Variants in CRBN observed in about 807,000 individuals in gnomAD.
CRBN encodes the protein protein cereblon.
In CRBN, 53 loss-of-function variants were observed where a neutral mutation model predicts 62.2. The ratio of observed to expected loss-of-function variants is 0.85; its 90% CI spans 0.68 to 1.07. CRBN has a LOEUF of 1.07. Among genes scored for constraint, CRBN ranks in the 50% least tolerant of loss-of-function variants. The pLI, the probability that CRBN is intolerant of heterozygous loss-of-function variation, is 0.00. For synonymous variants in CRBN, 208 were observed against 176.1 expected (o/e 1.18, Z -1.43); for missense variants, 616 against 531.1 (o/e 1.16, Z -1.57).
chr3:3,152,406 C>CAATT (rs1559240632), intron 10 of CRBN, 50 bp downstream of exon 10: 1 of 1,577,802 alleles, frequency 6.3e-7, no homozygotes, highest in East Asian at 2.3e-5. Flanking sequence ...TTTTTCTGCC[C>CAATT]AATTAAGGTA....
chr3:3,156,014 G>A (rs1290770813), intron 6 of CRBN: 2 of 553,758 alleles, frequency 3.6e-6, no homozygotes, highest in Non-Finnish European at 6.6e-6. Flanking sequence ...ATGTTGCCCA[G>A]GCTGGTCTTG....
intron 5 of CRBN, among the ~76,000 whole-genome samples, chr3:3,157,507 C>G (rs773992302): frequency 1.2e-4 from 18 of 152,258 alleles, no homozygotes; most frequent in East Asian, 3.9e-4. Flanking sequence ...GAGGAAGACC[C>G]TACTCCTGCA....
rs1156956523 is a variant in CRBN, at chr3:3,179,684, C to G, written c.4G>C (p.Ala2Pro). Reference sequence around the variant, plus strand: ...GCGTCCTGCTGATCTCCTTCGCCGGCCATGTCTGTTTACCCGCAAAGGAGG... The same window carrying G: ...GCGTCCTGCTGATCTCCTTCGCCGGGCATGTCTGTTTACCCGCAAAGGAGG... M[A>P]GEGDQQDAAH... The change falls in exon 1 of 11, where the codon GCC becomes CCC. Residue 2 changes from alanine (A) to proline (P), a missense_variant. Coordinates refer to ENST00000231948, the MANE Select transcript of CRBN (RefSeq NM_016302.4). 4.3e-6 allele frequency: 7 copies of G among 1,613,244 alleles called. No individual in the cohort carries two copies. In the South Asian group the frequency reaches 7.7e-5, roughly 18 times the overall value.
At chr3:3,157,432 G>A (rs1194953576) in intron 5 of CRBN, among the ~76,000 whole-genome samples, 1 of 152,066 alleles carries the variant, frequency 6.6e-6, no homozygotes, top group Non-Finnish European at 1.5e-5. Flanking sequence ...AAAGGAATAA[G>A]GTAGATCAAA....
At chr3:3,151,768 A>C (rs1706569495) in intron 10 of CRBN, among the ~76,000 whole-genome samples, 1 of 151,626 alleles carries the variant, frequency 6.6e-6, no homozygotes, top group African/African-American at 2.4e-5. Context: ...AAAACTGAAG[A>C]TAGTACAGCT....
At chr3:3,167,613 C>A in intron 5 of CRBN, 21 bp downstream of exon 5, 1 of 1,605,788 alleles carries the variant, frequency 6.2e-7, no homozygotes, top group Non-Finnish European at 8.5e-7. Context: ...TTTGAAGATG[C>A]ATAAAAAATT....
At chr3:3,166,052 A>G (rs1442685177) in intron 5 of CRBN, among the ~76,000 whole-genome samples, 1 of 152,180 alleles carries the variant, frequency 6.6e-6, no homozygotes, top group East Asian at 1.9e-4. Flanking sequence ...AAGGGTAAAC[A>G]TGTATTTAAA....
chr3:3,151,828 C>CAAAG (rs66715673), intron 10 of CRBN, among the ~76,000 whole-genome samples: 1 of 42,596 alleles, frequency 2.3e-5, no homozygotes, highest in Non-Finnish European at 5.7e-5. Context: ...TAAGCTGAAG[C>CAAAG]AAACAAACAA....
Position 3,154,233 on chromosome 3 carries a change from T to C in CRBN, c.836-158A>G, listed in dbSNP as rs1706775513. 5 of 618,252 alleles carry C rather than the reference T, an allele frequency of 8.1e-6. No individual in the cohort carries two copies. In the Admixed American group the frequency reaches 1.1e-4, roughly 14 times the overall value. The allele number at this position is 618,252 out of a possible 1,614,324, so 38.3% of individuals were successfully genotyped here. On this transcript the variant is annotated intron_variant, in intron 7 of 10. Coordinates refer to ENST00000231948, the MANE Select transcript of CRBN (RefSeq NM_016302.4). ...ACAAAAATATACCAGCTGTCAAAGATACACTTTTCAGAAGCTCTAAATTTA... is the reference window on the plus strand; with the variant it reads ...ACAAAAATATACCAGCTGTCAAAGACACACTTTTCAGAAGCTCTAAATTTA...
intron 1 of CRBN, among the ~76,000 whole-genome samples, chr3:3,177,230 T>A (rs1707861395): frequency 6.6e-6 from 1 of 152,220 alleles, no homozygotes; most frequent in Non-Finnish European, 1.5e-5. Context: ...ATGCCCCAAA[T>A]AAACTTCTAA....
chr3:3,166,946 A>C (rs1426157595), intron 5 of CRBN, among the ~76,000 whole-genome samples: 2 of 151,136 alleles, frequency 1.3e-5, no homozygotes, highest in East Asian at 2.0e-4. Flanking sequence ...AAAAAAAAAA[A>C]CTCAAAAAGC....
At position 3,150,827 on chromosome 3, in the gene CRBN, A is replaced by C. The variant is rs1199046620; in HGVS notation, c.*38T>G. The C allele has an allele frequency of 6.4e-7, 1 of 1,562,244 alleles. No individual in the cohort carries two copies. The highest frequency in any genetic ancestry group is 1.4e-5 in the African/African-American group (1 of 70,840). Reference sequence around the variant, plus strand: ...TTTCCAAAGCAGATCTTAGAATATAACCAATTTGTTAGATAACTTTATCTC... The same window carrying C: ...TTTCCAAAGCAGATCTTAGAATATACCCAATTTGTTAGATAACTTTATCTC... On this transcript the variant is annotated 3_prime_UTR_variant, in exon 11 of 11. Coordinates refer to ENST00000231948, the MANE Select transcript of CRBN (RefSeq NM_016302.4).
chr3:3,179,408 T>C (rs1707972990), intron 1 of CRBN, among the ~76,000 whole-genome samples: 1 of 152,048 alleles, frequency 6.6e-6, no homozygotes, highest in Non-Finnish European at 1.5e-5. Flanking sequence ...CCCGACACCC[T>C]GGCTCACGGC....
chr3:3,155,289 T>G (rs563562784), intron 6 of CRBN: 1 of 157,710 alleles, frequency 6.3e-6, no homozygotes, highest in South Asian at 1.9e-4. Context: ...GTCTTTGTAA[T>G]TGCTGAAAAG....
chr3:3,152,517 A>G lies in CRBN; in HGVS notation c.1087T>C (p.Tyr363His). ...HGYVHETLTV[Y>H]KACNLNLIGR... The stretch of plus-strand genomic sequence containing the variant: ...ATCAGATTCAAGTTGCAAGCCTTAT[A>G]CACAGTAAGTGTCTCATGCACATAT... Residue 363 changes from tyrosine to histidine, a missense_variant, in exon 10 of 11, where the codon TAT becomes CAT. By Grantham distance (83) the Tyr-to-His change is moderately conservative (BLOSUM62 2). Transcript: ENST00000231948. 4 of 1,614,068 alleles carry G rather than the reference A, an allele frequency of 2.5e-6. No homozygotes were observed. The highest frequency in any genetic ancestry group is 3.4e-6 in the Non-Finnish European group (4 of 1,179,950).
At chr3:3,161,973 A>G (rs535059368) in intron 5 of CRBN, among the ~76,000 whole-genome samples, 3 of 152,248 alleles carry the variant, frequency 2.0e-5, no homozygotes, top group Admixed American at 1.3e-4. Context: ...TAAGAAAGAA[A>G]TAAGAACATT....
chr3:3,151,401 C>T (rs1461611611), intron 10 of CRBN, among the ~76,000 whole-genome samples: 1 of 152,092 alleles, frequency 6.6e-6, no homozygotes, highest in African/African-American at 2.4e-5. Flanking sequence ...TGTTGTATTG[C>T]AGTCAAGTTA....
intron 5 of CRBN, among the ~76,000 whole-genome samples, chr3:3,166,295 T>A (rs1271726145): frequency 6.6e-6 from 1 of 152,142 alleles, no homozygotes; most frequent in Non-Finnish European, 1.5e-5. Context: ...CTGTACAAGT[T>A]CTTTTTCCCT....
chr3:3,156,596 T>G (rs146050039), intron 5 of CRBN: 1 of 365,612 alleles, frequency 2.7e-6, no homozygotes, highest in Non-Finnish European at 5.0e-6. Context: ...ATGACCATGT[T>G]AGTTGCCTTT....
Sources: allele counts gnomAD v4.1 joint callset (sites outside exome capture counted in the v4.1 genomes callset), GRCh38; gene constraint gnomAD v4.1.1; transcripts MANE v1.5; gene names NCBI Gene and HGNC (gene_info 2026-07-23, HGNC 2026-07-21).